The following SRRM4 variants were observed in gnomAD, a reference collection of about 807,000 sequenced individuals.
SRRM4 encodes serine/arginine repetitive matrix 4, also known as serine/arginine repetitive matrix protein 4.
Under a neutral mutation model 68.9 loss-of-function variants are expected in SRRM4, and 33 were observed. That is an observed-to-expected ratio of 0.48 (90% confidence interval 0.36 to 0.64). The LOEUF (loss-of-function observed/expected upper bound fraction) is 0.64, where lower values mean the gene tolerates loss of function less well. Ranked by LOEUF, SRRM4 falls within the 30% of genes least tolerant of loss-of-function variation. SRRM4 has a pLI of 0.00. For synonymous variants in SRRM4, 318 were observed against 318.8 expected, an observed-to-expected ratio of 1.00 and a Z score of 0.03; for missense variants, 817 against 827.1, an observed-to-expected ratio of 0.99 and a Z score of 0.15.
chr12:119,071,304 C>T (rs1053809019), intron 1 of SRRM4, among the ~76,000 whole-genome samples: 3 of 152,128 alleles, frequency 2.0e-5, no homozygotes, highest in Non-Finnish European at 2.9e-5. Context: ...CACAGATTTT[C>T]GTGTAAGACA....
intron 8 of SRRM4, among the ~76,000 whole-genome samples, chr12:119,131,145 A>AT (rs1024495975): frequency 4.6e-5 from 7 of 151,988 alleles, no homozygotes; most frequent in African/African-American, 1.5e-4. Flanking sequence ...CCATAGGAGG[A>AT]TTTTTTGTTT....
At chr12:119,114,670 T>C (rs1272776701) in intron 3 of SRRM4, among the ~76,000 whole-genome samples, 1 of 138,564 alleles carries the variant, frequency 7.2e-6, no homozygotes, top group Non-Finnish European at 1.6e-5. Flanking sequence ...CTTTTTTTTT[T>C]TTTTTTTTTT....
intron 1 of SRRM4, among the ~76,000 whole-genome samples, chr12:119,023,517 G>A (rs1285300353): frequency 6.6e-6 from 1 of 152,174 alleles, no homozygotes; most frequent in Non-Finnish European, 1.5e-5. Context: ...ACATGGCTAA[G>A]GGCTGTTAGT....
chr12:118,985,453 CTA>C (rs1254132082), intron 1 of SRRM4, among the ~76,000 whole-genome samples: 3 of 152,072 alleles, frequency 2.0e-5, no homozygotes, highest in South Asian at 2.1e-4. Flanking sequence ...TCTACAGTGA[CTA>C]TGTGATTTAT....
intron 1 of SRRM4, among the ~76,000 whole-genome samples, chr12:119,030,343 G>C (rs1191541957): frequency 3.3e-5 from 5 of 152,134 alleles, no homozygotes; most frequent in Admixed American, 1.3e-4. Context: ...ATATCACAGG[G>C]CACCTCTAAA....
chr12:119,064,233 T>TC (rs1261337375), intron 1 of SRRM4, among the ~76,000 whole-genome samples: 1 of 152,222 alleles, frequency 6.6e-6, no homozygotes. Context: ...AAGGGGTATA[T>TC]CCTGGTAACT....
intron 1 of SRRM4, among the ~76,000 whole-genome samples, chr12:119,091,017 G>A (rs145739654): frequency 1.1e-3 from 166 of 152,320 alleles, no homozygotes; most frequent in African/African-American, 3.8e-3. Context: ...AGCCTGCCAT[G>A]GAGATTTGTG....
In SRRM4 at chr12:119,162,521, G is replaced by T. The variant is rs1163408835; in HGVS notation, c.*5723G>T. The T allele has an allele frequency of 6.6e-6, 1 of 152,192 alleles. No homozygotes were observed. Among genetic ancestry groups the T allele is most frequent in the Non-Finnish European group, 1.5e-5 (1 of 68,038 alleles). 9.4% of individuals were successfully genotyped at this position (152,192 alleles called of 1,614,324 possible). A position where few individuals can be genotyped will look rare whatever the true frequency, so the allele number is the denominator to read the frequency against. ...CCACTTTTCAGAGGAGAAAACTGAG[G>T]CTCAGGAGGGGGAGTTGACATGCCC... On this transcript the variant is annotated 3_prime_UTR_variant, in exon 13 of 13. Coordinates refer to ENST00000267260, the MANE Select transcript of SRRM4 (RefSeq NM_194286.4).
At chr12:119,120,058 G>GA (rs11308536) in intron 4 of SRRM4, among the ~76,000 whole-genome samples, 192 bp from the exon 5 acceptor site, 37 of 146,210 alleles carry the variant, frequency 2.5e-4, no homozygotes, top group Middle Eastern at 3.5e-3. Flanking sequence ...TTCATACCAG[G>GA]AAAAAAAAAA....
chr12:119,006,399 T>G (rs1953416549), intron 1 of SRRM4, among the ~76,000 whole-genome samples: 1 of 152,010 alleles, frequency 6.6e-6, no homozygotes, highest in Non-Finnish European at 1.5e-5. Flanking sequence ...CATAGAAAAA[T>G]TGAAAAGTCC....
Position 119,132,881 on chromosome 12 carries a change from G to A in SRRM4, c.771+2047G>A, listed in dbSNP as rs540181485. ...TTTAAAAACATGGAATTATTAATTC[G>A]TGGTCACATCATGTCCCTGAGATAG... is the stretch of plus-strand genomic sequence containing the variant. On this transcript the variant is annotated intron_variant, in intron 8 of 12. Coordinates refer to ENST00000267260, the MANE Select transcript of SRRM4 (RefSeq NM_194286.4). 1.6e-4 allele frequency: 25 copies of A among 152,280 alleles called. 1 individual carries two copies. In the South Asian group the frequency reaches 3.5e-3, roughly 21 times the overall value. 9.4% of individuals were successfully genotyped at this position (152,280 alleles called of 1,614,324 possible).
At chr12:119,035,444 C>A (rs1284177090) in intron 1 of SRRM4, among the ~76,000 whole-genome samples, 1 of 152,210 alleles carries the variant, frequency 6.6e-6, no homozygotes, top group East Asian at 1.9e-4. Flanking sequence ...AATTATTCAG[C>A]CAAGCAAAGT....
intron 8 of SRRM4, chr12:119,132,963 T>C (rs1302696349): frequency 6.6e-6 from 1 of 152,068 alleles, no homozygotes; most frequent in Non-Finnish European, 1.5e-5. Context: ...GAAATAATAA[T>C]AAAATAATAA....
chr12:118,981,554 C>A lies in SRRM4; in HGVS notation c.-329C>A. 3.8e-6 allele frequency: 1 copy of A among 263,222 alleles called. No individual in the cohort carries two copies. Among genetic ancestry groups the A allele is most frequent in the Non-Finnish European group, 7.2e-6 (1 of 138,014 alleles). 16.3% of individuals were successfully genotyped at this position (263,222 alleles called of 1,614,324 possible). A position where few individuals can be genotyped will look rare whatever the true frequency, so the allele number is the denominator to read the frequency against. On this transcript the variant is annotated 5_prime_UTR_variant, in exon 1 of 13. Coordinates refer to ENST00000267260, the MANE Select transcript of SRRM4 (RefSeq NM_194286.4). ...CGGAGCTCACACGCGCACGCACACA[C>A]ATCCGACCCCGTCGCCTCTTCTCTC...
chr12:119,007,803 C>T (rs1187424525), intron 1 of SRRM4, among the ~76,000 whole-genome samples: 1 of 152,120 alleles, frequency 6.6e-6, no homozygotes, highest in Non-Finnish European at 1.5e-5. Flanking sequence ...ACAGACCAAT[C>T]CCACTCCAAG....
chr12:119,019,303 A>G (rs1356028149), intron 1 of SRRM4, among the ~76,000 whole-genome samples: 1 of 152,212 alleles, frequency 6.6e-6, no homozygotes, highest in Non-Finnish European at 1.5e-5. Context: ...CTAATCAAAG[A>G]CACGTCAACC....
chr12:119,082,259 C>A (rs535917205), intron 1 of SRRM4, among the ~76,000 whole-genome samples: 1 of 152,296 alleles, frequency 6.6e-6, no homozygotes, highest in African/African-American at 2.4e-5. Flanking sequence ...CCCTGTCCAG[C>A]CTCTGTCCCT....
chr12:119,096,643 C>G (rs1164746783), intron 1 of SRRM4, among the ~76,000 whole-genome samples: 2 of 152,218 alleles, frequency 1.3e-5, no homozygotes, highest in African/African-American at 2.4e-5. Flanking sequence ...GGCAAGTCCC[C>G]TTGCCTCTTG....
At chr12:118,988,843 G>T (rs757321337) in intron 1 of SRRM4, among the ~76,000 whole-genome samples, 15 of 152,188 alleles carry the variant, frequency 9.9e-5, no homozygotes, top group Non-Finnish European at 2.1e-4. Context: ...GGAATAGAGG[G>T]TGAGGGAATG....
Sources: allele counts gnomAD v4.1 joint callset (sites outside exome capture counted in the v4.1 genomes callset), GRCh38; gene constraint gnomAD v4.1.1; transcripts MANE v1.5; gene names NCBI Gene and HGNC (gene_info 2026-07-23, HGNC 2026-07-21).